The following ADAMTS6 variants were observed in gnomAD, a reference collection of about 807,000 sequenced individuals.
ADAMTS6 encodes A disintegrin and metalloproteinase with thrombospondin motifs 6.
Under a neutral mutation model 144.3 loss-of-function variants are expected in ADAMTS6, and 23 were observed. The observed-to-expected ratio is 0.16, with a 90% CI of 0.11 to 0.23. The LOEUF is 0.23. ADAMTS6 is among the 10% of genes least tolerant of loss of function. The pLI is 1.00. For synonymous variants in ADAMTS6, 444 were observed against 457.5 expected (o/e 0.97, Z 0.38); for missense variants, 999 against 1,379.6 (o/e 0.72, Z 4.37).
At chr5:65,417,722 A>C (rs1457966320) in intron 7 of ADAMTS6, among the ~76,000 whole-genome samples, 1 of 152,212 alleles carries the variant, frequency 6.6e-6, no homozygotes, top group Non-Finnish European at 1.5e-5. Context: ...CCATTAAATA[A>C]ATCATAGATG....
At chr5:65,470,385 T>C (rs1470143234) in intron 3 of ADAMTS6, among the ~76,000 whole-genome samples, 1 of 152,144 alleles carries the variant, frequency 6.6e-6, no homozygotes, top group African/African-American at 2.4e-5. Flanking sequence ...AAGAAAGATA[T>C]TATAAAAAGA....
At chr5:65,418,259 G>T (rs1755710663) in intron 7 of ADAMTS6, among the ~76,000 whole-genome samples, 1 of 152,042 alleles carries the variant, frequency 6.6e-6, no homozygotes, top group South Asian at 2.1e-4. Flanking sequence ...CAAATTATAA[G>T]AATCCTAGTA....
chr5:65,179,234 C>G (rs886685663), intron 22 of ADAMTS6, among the ~76,000 whole-genome samples: 1 of 152,200 alleles, frequency 6.6e-6, no homozygotes, highest in Non-Finnish European at 1.5e-5. Flanking sequence ...AAAGTTGCTA[C>G]AGTCCTATTA....
At chr5:65,360,693 A>T (rs955256677) in intron 7 of ADAMTS6, among the ~76,000 whole-genome samples, 1 of 152,132 alleles carries the variant, frequency 6.6e-6, no homozygotes, top group Non-Finnish European at 1.5e-5. Flanking sequence ...ATTCAAGACC[A>T]TTTTTCTTAT....
At chr5:65,430,529 C>A (rs1019161757) in intron 7 of ADAMTS6, among the ~76,000 whole-genome samples, 1 of 152,176 alleles carries the variant, frequency 6.6e-6, no homozygotes, top group Non-Finnish European at 1.5e-5. Flanking sequence ...GTCTCACAGA[C>A]AAGACCTATA....
intron 9 of ADAMTS6, among the ~76,000 whole-genome samples, chr5:65,309,234 T>C (rs1317239795): frequency 6.6e-6 from 1 of 151,930 alleles, no homozygotes; most frequent in Admixed American, 6.6e-5. Context: ...CTCACTACAA[T>C]GTAGAATCAG....
rs1435600820 is a variant in ADAMTS6, at chr5:65,452,800, C to A, written c.750G>T (p.Arg250=). The change falls in exon 5 of 25, where the codon CGG becomes CGT. Residue 250 remains arginine (R), a synonymous_variant. Transcript: ENST00000381055. ...HRQKRSVSIE[R]FVETLVVADK... is the part of the protein sequence containing the mutation. Reference sequence around the variant, plus strand: ...CTGCCACTACCAATGTCTCCACAAACCGTTCAATGCTCACTGATCTCTTCT... The same window carrying A: ...CTGCCACTACCAATGTCTCCACAAAACGTTCAATGCTCACTGATCTCTTCT... The A allele has an allele frequency of 6.2e-7, 1 of 1,614,098 alleles. No homozygotes were observed. Among genetic ancestry groups the A allele is most frequent in the East Asian group, 2.2e-5 (1 of 44,878 alleles).
Position 65,313,128 on chromosome 5 carries a change from AACACACACACACACAC to A in ADAMTS6, c.1224-13013_1224-12998del, listed in dbSNP as rs61525269. Among the ~76,000 whole-genome samples the A allele has an allele frequency of 3.3e-3, 446 of 135,844 alleles. 1 individual carries two copies. Among genetic ancestry groups the A allele is most frequent in the African/African-American group, 0.01 (394 of 38,162 alleles). 89.1% of individuals were successfully genotyped at this position (135,844 alleles called of 152,430 possible). A position where few individuals can be genotyped will look rare whatever the true frequency, so the allele number is the denominator to read the frequency against. ...ATTTCAGTAGTTTTATTATTTCTGC[AACACACACACACACAC>A]ACACACACACACACACACACACACA... On this transcript the variant is annotated intron_variant, in intron 9 of 24. Coordinates refer to ENST00000381055, the MANE Select transcript of ADAMTS6 (RefSeq NM_197941.4).
intron 7 of ADAMTS6, among the ~76,000 whole-genome samples, chr5:65,431,834 A>G (rs186488138): frequency 6.6e-6 from 1 of 152,210 alleles, no homozygotes; most frequent in Non-Finnish European, 1.5e-5. Context: ...ACGGATATAC[A>G]AATAGAGAAT....
chr5:65,391,816 A>G (rs1353736357), intron 7 of ADAMTS6, among the ~76,000 whole-genome samples: 1 of 151,908 alleles, frequency 6.6e-6, no homozygotes, highest in Non-Finnish European at 1.5e-5. Flanking sequence ...GCTCACTGCA[A>G]CATCTGCCTC....
intron 15 of ADAMTS6, among the ~76,000 whole-genome samples, chr5:65,237,263 C>T (rs7721145): frequency 0.17 from 26,301 of 151,264 alleles, 2,868 homozygotes; most frequent in African/African-American, 0.31. Flanking sequence ...ATTTGCCCAG[C>T]GTGGTGCCTA....
At chr5:65,174,681 A>G (rs1753857959) in intron 22 of ADAMTS6, among the ~76,000 whole-genome samples, 1 of 152,040 alleles carries the variant, frequency 6.6e-6, no homozygotes, top group South Asian at 2.1e-4. Context: ...GGATTGCTTG[A>G]TACTTTGGTT....
intron 7 of ADAMTS6, among the ~76,000 whole-genome samples, chr5:65,398,641 G>A (rs780373484): frequency 7.2e-5 from 11 of 152,018 alleles, no homozygotes; most frequent in Admixed American, 2.6e-4. Context: ...CAGGAGAATC[G>A]CTTGAGGTTG....
At chr5:65,243,028 A>G (rs976261298) in intron 14 of ADAMTS6, among the ~76,000 whole-genome samples, 2 of 152,100 alleles carry the variant, frequency 1.3e-5, no homozygotes, top group African/African-American at 4.8e-5. Context: ...CTCAACCTTT[A>G]AGTTCACAAA....
intron 15 of ADAMTS6, among the ~76,000 whole-genome samples, chr5:65,229,416 G>A (rs1401880729): frequency 6.6e-6 from 1 of 152,074 alleles, no homozygotes; most frequent in Non-Finnish European, 1.5e-5. Context: ...AAGAAAACAT[G>A]ATACCACCAA....
At position 65,353,988 on chromosome 5, in the gene ADAMTS6, G is replaced by A. The variant is rs549298520; in HGVS notation, c.1074-19903C>T. Among the ~76,000 whole-genome samples, 3 of 151,942 alleles carry A rather than the reference G, an allele frequency of 2.0e-5. No individual in the cohort carries two copies. In the South Asian group the frequency reaches 6.2e-4, roughly 31 times the overall value. On this transcript the variant is annotated intron_variant, in intron 7 of 24. Transcript: ENST00000381055. ...TGTTCTTTTTGGACTGGTATCAAGT[G>A]CAGTGTTCATGGTTTCTTCCATACG...
chr5:65,440,627 T>C (rs1580713884), intron 7 of ADAMTS6, among the ~76,000 whole-genome samples: 1 of 152,266 alleles, frequency 6.6e-6, no homozygotes, highest in East Asian at 1.9e-4. Context: ...ATCTGGCTCA[T>C]ATGACGTAAG....
At chr5:65,338,909 C>T (rs1747566317) in intron 7 of ADAMTS6, among the ~76,000 whole-genome samples, 2 of 152,042 alleles carry the variant, frequency 1.3e-5, no homozygotes, top group African/African-American at 4.8e-5. Flanking sequence ...CATTACAGGC[C>T]TGAGAAATAG....
At chr5:65,389,988 TCA>T (rs1478604259) in intron 7 of ADAMTS6, among the ~76,000 whole-genome samples, 5 of 152,126 alleles carry the variant, frequency 3.3e-5, no homozygotes, top group Non-Finnish European at 5.9e-5. Flanking sequence ...AAGCCCAAAA[TCA>T]CAGTGTCTTA....
Sources: gnomAD v4.1 joint callset for allele counts (sites outside exome capture counted in the v4.1 genomes callset) on GRCh38, gnomAD v4.1.1 for gene constraint, MANE v1.5 for transcripts, NCBI Gene and HGNC (gene_info 2026-07-23, HGNC 2026-07-21) for gene names.